Variants in MAU2 observed in about 807,000 individuals in gnomAD.
MAU2 encodes MAU2 chromatid cohesion factor homolog.
In MAU2, 9 loss-of-function variants were observed where a neutral mutation model predicts 89.1. That is an observed-to-expected ratio of 0.10 (90% CI 0.06 to 0.18). The LOEUF (loss-of-function observed/expected upper bound fraction) is 0.18, where lower values mean the gene tolerates loss of function less well. MAU2 is among the 10% of genes least tolerant of loss of function. MAU2 has a pLI of 1.00. For synonymous variants in MAU2, 357 were observed against 343.4 expected (o/e 1.04, Z -0.44); for missense variants, 425 against 803.5 (o/e 0.53, Z 5.69).
intron 1 of MAU2, among the ~76,000 whole-genome samples, chr19:19,329,385 G>A (rs2061537069): frequency 6.6e-6 from 1 of 152,144 alleles, no homozygotes; most frequent in Non-Finnish European, 1.5e-5. Flanking sequence ...GGTTCTACCA[G>A]CTGGTCCCTT....
chr19:19,355,832 C>A lies in MAU2; in HGVS notation c.*50C>A, dbSNP rs2048171741. Reference sequence around the variant, plus strand: ...CGCAGGGCCTGCGCGTCTCCGGCTTCCACCCAGACGGCACTCAAGCCTGCC... The same window carrying A: ...CGCAGGGCCTGCGCGTCTCCGGCTTACACCCAGACGGCACTCAAGCCTGCC... On this transcript the variant is annotated 3_prime_UTR_variant, in exon 19 of 19. Coordinates refer to ENST00000262815, the MANE Select transcript of MAU2 (RefSeq NM_015329.4). 1 of 1,529,938 alleles carries A rather than the reference C, an allele frequency of 6.5e-7. No homozygotes were observed. 94.8% of individuals were successfully genotyped at this position (1,529,938 alleles called of 1,614,324 possible). A position where few individuals can be genotyped will look rare whatever the true frequency, so the allele number is the denominator to read the frequency against.
intron 9 of MAU2, among the ~76,000 whole-genome samples, chr19:19,343,068 C>T (rs1169175811): frequency 1.3e-5 from 2 of 152,170 alleles, no homozygotes; most frequent in African/African-American, 2.4e-5. Context: ...TCGGGGGTAC[C>T]TCCCTGACTG....
In MAU2 at chr19:19,356,774, T is replaced by C. The variant is rs921064494; in HGVS notation, c.*992T>C. ...TCCCTGCTGGGTCTCTGGGGCACAG[T>C]GTGAAACCCGCACCCTAGCCAGGCC... On this transcript the variant is annotated 3_prime_UTR_variant, in exon 19 of 19. Coordinates refer to ENST00000262815, the MANE Select transcript of MAU2 (RefSeq NM_015329.4). 5 of 152,656 alleles carry C rather than the reference T, an allele frequency of 3.3e-5. No individual in the cohort carries two copies. The highest frequency in any genetic ancestry group is 7.3e-5 in the Non-Finnish European group (5 of 68,496). 9.5% of individuals were successfully genotyped at this position (152,656 alleles called of 1,614,324 possible). A position where few individuals can be genotyped will look rare whatever the true frequency, so the allele number is the denominator to read the frequency against.
chr19:19,323,924 T>C (rs1599885428), intron 1 of MAU2, among the ~76,000 whole-genome samples: 1 of 152,230 alleles, frequency 6.6e-6, no homozygotes, highest in East Asian at 1.9e-4. Context: ...AGCTCAGTGA[T>C]AACCAGGTTA....
At chr19:19,326,666 A>G (rs1259229389) in intron 1 of MAU2, among the ~76,000 whole-genome samples, 1 of 147,632 alleles carries the variant, frequency 6.8e-6, no homozygotes, top group Non-Finnish European at 1.5e-5. Flanking sequence ...AGACTGGGCG[A>G]AAGAGCGAGA....
intron 1 of MAU2, among the ~76,000 whole-genome samples, chr19:19,322,549 G>C (rs1445464451): frequency 6.6e-6 from 1 of 152,200 alleles, no homozygotes; most frequent in African/African-American, 2.4e-5. Flanking sequence ...GCAGTGAGCA[G>C]TGATCACGCC....
At chr19:19,338,641 A>G (rs1044022262) in intron 4 of MAU2, among the ~76,000 whole-genome samples, 1 of 152,246 alleles carries the variant, frequency 6.6e-6, no homozygotes, top group Non-Finnish European at 1.5e-5. Flanking sequence ...AGTTTAGATG[A>G]CATATATACT....
chr19:19,334,454 C>G, intron 1 of MAU2: 1 of 985,744 alleles, frequency 1.0e-6, no homozygotes, highest in Non-Finnish European at 1.2e-6. Context: ...CTGTGACATT[C>G]CCAGCTGCTG....
At chr19:19,337,117 C>A in intron 3 of MAU2, 53 bp from the exon 4 acceptor site, 1 of 1,274,780 alleles carries the variant, frequency 7.8e-7, no homozygotes, top group Non-Finnish European at 1.1e-6. Flanking sequence ...AGCTTGATTG[C>A]CGCCTTGTTT....
rs746966992 is a variant in MAU2 at position 19,341,417 on chromosome 19, G to A, written c.735+10G>A. 9 of 1,613,104 alleles carry A rather than the reference G, an allele frequency of 5.6e-6. No homozygotes were observed. Among genetic ancestry groups the A allele is most frequent in the East Asian group, 2.2e-5 (1 of 44,876 alleles). ...TCTGGATGCCGGGCAGGTGTGTGGCGCCTCTCAGGCGAGCTGCTGGTTGTG... is the reference window on the plus strand; with the variant it reads ...TCTGGATGCCGGGCAGGTGTGTGGCACCTCTCAGGCGAGCTGCTGGTTGTG... On this transcript the variant is annotated intron_variant, in intron 7 of 18. Coordinates refer to ENST00000262815, the MANE Select transcript of MAU2 (RefSeq NM_015329.4).
chr19:19,340,184 T>A (rs8111511), intron 5 of MAU2, among the ~76,000 whole-genome samples: 82,798 of 136,416 alleles, frequency 0.61, 24,995 homozygotes, highest in East Asian at 0.69. Flanking sequence ...AAAAAAAAAA[T>A]TAACCAGGCA....
rs1242300690 is a variant in MAU2 at position 19,345,513 on chromosome 19, A to C, written c.1221+144A>C. Reference sequence around the variant, plus strand: ...AGAGGCAATGCACAGTAGTCAGCCCATGCCAGCCTTGGCAGTGACGCGCTG... The same window carrying C: ...AGAGGCAATGCACAGTAGTCAGCCCCTGCCAGCCTTGGCAGTGACGCGCTG... On this transcript the variant is annotated intron_variant, in intron 12 of 18. Transcript: ENST00000262815. The surrounding 1 kb of genome is among the most constrained non-coding windows in gnomAD (Gnocchi z 4.9). 4 of 782,428 alleles carry C rather than the reference A, an allele frequency of 5.1e-6. No homozygotes were observed. Among genetic ancestry groups the C allele is most frequent in the African/African-American group, 1.7e-5 (1 of 59,366 alleles). 48.5% of individuals were successfully genotyped at this position (782,428 alleles called of 1,614,324 possible). A position where few individuals can be genotyped will look rare whatever the true frequency, so the allele number is the denominator to read the frequency against.
intron 1 of MAU2, among the ~76,000 whole-genome samples, chr19:19,324,047 G>C (rs1422020700): frequency 6.6e-6 from 1 of 152,146 alleles, no homozygotes; most frequent in Non-Finnish European, 1.5e-5. Context: ...TTGGTGCCGG[G>C]GGATCAGCAA....
chr19:19,338,023 A>G (rs576817102), intron 4 of MAU2, among the ~76,000 whole-genome samples: 1 of 152,140 alleles, frequency 6.6e-6, no homozygotes, highest in East Asian at 1.9e-4. Context: ...CTCTTCCATG[A>G]CCCAGCCTGC....
At chr19:19,325,767 A>C (rs1365044844) in intron 1 of MAU2, among the ~76,000 whole-genome samples, 1 of 152,064 alleles carries the variant, frequency 6.6e-6, no homozygotes, top group East Asian at 1.9e-4. Context: ...GCATGCCACC[A>C]CACCCGGCAT....
At chr19:19,332,803 G>C (rs977182379) in intron 1 of MAU2, among the ~76,000 whole-genome samples, 3 of 152,192 alleles carry the variant, frequency 2.0e-5, no homozygotes, top group African/African-American at 7.2e-5. Flanking sequence ...TTGGCCAGCC[G>C]CTGCGGCTCA....
rs1186630885 is a variant in MAU2, at chr19:19,349,159, C to T, written c.1363C>T (p.His455Tyr). ...NPDHSFPVSSHCLRAAAFYVR... is the reference protein window; with the variant it reads ...NPDHSFPVSSYCLRAAAFYVR... ...GATACTGCACTCTCCCTGCAGCTCG[C>T]ACTGCCTCCGAGCAGCCGCCTTCTA... Residue 455 changes from histidine (H) to tyrosine (Y), a missense_variant, in exon 15 of 19, where the codon CAC becomes TAC. His to Tyr is a moderately conservative substitution (Grantham distance 83). This residue lies in a region of MAU2 where 66 missense variants were observed against 129.1 expected (regional missense o/e 0.51). Coordinates refer to ENST00000262815, the MANE Select transcript of MAU2 (RefSeq NM_015329.4). 6.2e-7 allele frequency: 1 copy of T among 1,614,112 alleles called. No individual in the cohort carries two copies. The highest frequency in any genetic ancestry group is 1.7e-5 in the Admixed American group (1 of 60,024).
intron 17 of MAU2, 77 bp from the exon 18 acceptor site, chr19:19,355,187 G>A: frequency 6.3e-7 from 1 of 1,578,194 alleles, no homozygotes; most frequent in Non-Finnish European, 8.6e-7. Context: ...TGACCTTAGG[G>A]CTCCATCTGC....
rs375858859 is a variant in MAU2 at position 19,356,419 on chromosome 19, C to T, written c.*637C>T. ...CAAACATCTGCACCTTGACCGGACT[C>T]GCCATCCCGCCGTGGGGGTGCAGGT... On this transcript the variant is annotated 3_prime_UTR_variant, in exon 19 of 19. Transcript: ENST00000262815. 38 of 262,824 alleles carry T rather than the reference C, an allele frequency of 1.4e-4. 1 individual carries two copies. The East Asian group carries it at 2.5e-3, about 18-fold the overall frequency. The allele number at this position is 262,824 out of a possible 1,614,324, so 16.3% of individuals were successfully genotyped here. A position where few individuals can be genotyped will look rare whatever the true frequency, so the allele number is the denominator to read the frequency against.
Sources: gnomAD v4.1 joint callset for allele counts (sites outside exome capture counted in the v4.1 genomes callset) on GRCh38, gnomAD v4.1.1 for gene constraint, gnomAD v4.1.1 regional missense constraint, Gnocchi (gnomAD v3.1) non-coding constraint, MANE v1.5 for transcripts, NCBI Gene and HGNC (gene_info 2026-07-23, HGNC 2026-07-21) for gene names.